The following KANTR variants were observed in gnomAD, a reference collection of about 807,000 sequenced individuals.
KANTR encodes the protein KANTR integral membrane protein, also known as KDM5C adjacent transcript.
chrX:53,129,002 T>G (rs1470982299), downstream of KANTR, among the ~76,000 whole-genome samples: 6 of 110,552 alleles, frequency 5.4e-5, no homozygotes, highest in Non-Finnish European at 1.1e-4. Flanking sequence ...CATTTACCTT[T>G]TATTTGCCCA....
At chrX:53,138,440 A>C (rs895526205) in intron 2 of KANTR, among the ~76,000 whole-genome samples, 1 of 107,471 alleles carries the variant, frequency 9.3e-6, no homozygotes, top group Non-Finnish European at 1.9e-5. Flanking sequence ...AGGCGGGTGG[A>C]TCACCTGAGG....
chrX:53,132,879 C>T (rs1212531085), intron 2 of KANTR, among the ~76,000 whole-genome samples: 3 of 111,685 alleles, frequency 2.7e-5, no homozygotes, highest in Non-Finnish European at 5.6e-5. Flanking sequence ...ATCTTCAACA[C>T]GTAGCACTGA....
exon 3 of KANTR, chrX:53,126,897 C>T (rs1556816260): frequency 9.0e-6 from 1 of 111,318 alleles, no homozygotes; most frequent in Non-Finnish European, 1.9e-5. Context: ...ATGGCTCCCA[C>T]CTCCCTCAAC....
At chrX:53,097,509 C>T (rs946813721) in intron 1 of KANTR, among the ~76,000 whole-genome samples, 3 of 104,420 alleles carry the variant, frequency 2.9e-5, no homozygotes, top group Non-Finnish European at 5.9e-5. Context: ...TGCACCACCA[C>T]GCCTGGCTAA....
chrX:53,118,616 C>T (rs1052981309), intron 2 of KANTR, among the ~76,000 whole-genome samples: 1 of 110,090 alleles, frequency 9.1e-6, no homozygotes, highest in African/African-American at 3.3e-5. Context: ...CAAAAATTAC[C>T]CGGGTGTGGT....
At chrX:53,127,881 T>C (rs1933308211), downstream of KANTR, among the ~76,000 whole-genome samples, 1 of 111,567 alleles carries the variant, frequency 9.0e-6, no homozygotes, top group South Asian at 3.8e-4. Flanking sequence ...TTACCTGTGG[T>C]ACTTGGTGGT....
intron 2 of KANTR, among the ~76,000 whole-genome samples, chrX:53,141,103 G>T (rs1482460443): frequency 8.8e-6 from 1 of 113,115 alleles, no homozygotes; most frequent in Non-Finnish European, 1.9e-5. Context: ...AGAGGTTGCA[G>T]TGAGCCGAGA....
chrX:53,143,401 G>A (rs1933531197), downstream of KANTR: 6 of 694,442 alleles, frequency 8.6e-6, no homozygotes, highest in South Asian at 1.4e-4. Flanking sequence ...GGCGTGGTGG[G>A]AGGGCATGGC....
chrX:53,104,288 A>G (rs903074868), intron 2 of KANTR, among the ~76,000 whole-genome samples: 1 of 110,649 alleles, frequency 9.0e-6, no homozygotes, highest in Non-Finnish European at 1.9e-5. Context: ...GTGCAGTGGT[A>G]CAATCTCGGC....
At chrX:53,108,944 C>T (rs1602117041) in intron 2 of KANTR, among the ~76,000 whole-genome samples, 6 of 111,446 alleles carry the variant, frequency 5.4e-5, no homozygotes, top group Admixed American at 4.8e-4. Context: ...TCGAGCAGTC[C>T]TTTCACTTCA....
At chrX:53,140,519 A>C (rs1933488181) in intron 2 of KANTR, among the ~76,000 whole-genome samples, 1 of 109,330 alleles carries the variant, frequency 9.1e-6, no homozygotes, top group Admixed American at 9.9e-5. Flanking sequence ...AAAAAAAAAA[A>C]AAGTATATGC....
intron 2 of KANTR, among the ~76,000 whole-genome samples, chrX:53,111,540 A>G (rs967922508): frequency 1.8e-5 from 2 of 111,894 alleles, no homozygotes; most frequent in Non-Finnish European, 3.8e-5. Flanking sequence ...AGCAATCTAC[A>G]CACCACCATT....
chrX:53,106,329 A>G (rs935474291), intron 2 of KANTR, among the ~76,000 whole-genome samples: 3 of 110,309 alleles, frequency 2.7e-5, no homozygotes, highest in Non-Finnish European at 5.6e-5. Flanking sequence ...AATCAGGGTG[A>G]CAAAGATTTA....
intron 2 of KANTR, among the ~76,000 whole-genome samples, chrX:53,123,178 CTT>C (rs200574097): frequency 7.8e-4 from 77 of 99,231 alleles, no homozygotes; most frequent in African/African-American, 2.6e-3. Context: ...CTGAGCAAGA[CTT>C]TTTTTTTTTT....
intron 2 of KANTR, among the ~76,000 whole-genome samples, chrX:53,120,991 T>A (rs782200982): frequency 9.4e-6 from 1 of 106,820 alleles, no homozygotes; most frequent in Admixed American, 1.0e-4. Context: ...CAAGGTGTTG[T>A]TTTTTTTTGT....
chrX:53,131,195 G>C, downstream of KANTR, among the ~76,000 whole-genome samples: 1 of 111,085 alleles, frequency 9.0e-6, no homozygotes, highest in Non-Finnish European at 1.9e-5. Context: ...CCCTCCGTAA[G>C]TTTGGGGAAA....
At chrX:53,110,813 C>T (rs1556813624) in intron 2 of KANTR, among the ~76,000 whole-genome samples, 1 of 108,495 alleles carries the variant, frequency 9.2e-6, no homozygotes, top group African/African-American at 3.3e-5. Flanking sequence ...ATCCCAGCTA[C>T]TCAGGAGGCT....
rs1056732104 is a variant in KANTR, at chrX:53,107,613, T to C, written c.-805+8005T>C. On this transcript the variant is annotated intron_variant, in intron 2 of 2. Coordinates refer to ENST00000604062, the Ensembl canonical transcript of KANTR. ...TTCAGGAGTGTTTTATAGTTTTCAG[T>C]ATACAAGTCTTGCAGTTCCTTTGTT... is the stretch of plus-strand genomic sequence containing the variant. 2.7e-5 allele frequency among the ~76,000 whole-genome samples: 3 copies of C among 110,227 alleles called. No homozygotes were observed. The South Asian group carries it at 1.1e-3, about 41-fold the overall frequency.
chrX:53,098,050 CA>C (rs782145330), intron 1 of KANTR, among the ~76,000 whole-genome samples: 1,387 of 44,201 alleles, frequency 0.031, 25 homozygotes, highest in African/African-American at 0.095. Context: ...GACTCTGTCT[CA>C]AAAAAAAAAA....
Sources: allele counts gnomAD v4.1 joint callset (sites outside exome capture counted in the v4.1 genomes callset), GRCh38; gene constraint gnomAD v4.1.1; transcripts MANE v1.5; gene names NCBI Gene and HGNC (gene_info 2026-07-23, HGNC 2026-07-21).